The following PDE8B variants were observed in gnomAD, a reference collection of about 807,000 sequenced individuals.
PDE8B encodes phosphodiesterase 8B, also known as high affinity cAMP-specific and IBMX-insensitive 3',5'-cyclic phosphodiesterase 8B.
In PDE8B, 26 loss-of-function variants were observed where a neutral mutation model predicts 101.3. The ratio of observed to expected loss-of-function variants is 0.26; its 90% CI spans 0.19 to 0.36. The LOEUF (loss-of-function observed/expected upper bound fraction) is 0.36. Ranked by LOEUF, PDE8B falls within the 10% of genes least tolerant of loss-of-function variation. PDE8B has a pLI of 1.00. For synonymous variants in PDE8B, 424 were observed against 429.3 expected (o/e 0.99, Z 0.15); for missense variants, 810 against 1,163.1 (o/e 0.70, Z 4.42).
At chr5:77,160,961 T>C in the PDE8B span, among the ~76,000 whole-genome samples, 1 of 152,214 alleles carries the variant, frequency 6.6e-6, no homozygotes, top group Non-Finnish European at 1.5e-5. Context: ...CCTTTTATTC[T>C]TTTTTAAGAG....
chr5:77,380,468 A>G (rs1200010148), intron 10 of PDE8B, among the ~76,000 whole-genome samples: 2 of 152,202 alleles, frequency 1.3e-5, no homozygotes, highest in Non-Finnish European at 2.9e-5. Context: ...ATCTGAGCCC[A>G]TGGATGTATT....
the PDE8B span, chr5:77,087,088 C>G: frequency 6.6e-6 from 1 of 152,448 alleles, no homozygotes; most frequent in East Asian, 1.9e-4. Flanking sequence ...GCCTCGCCAC[C>G]GAGTCTGGAA....
chr5:77,354,107 G>A (rs761480165), intron 10 of PDE8B, among the ~76,000 whole-genome samples: 12 of 152,196 alleles, frequency 7.9e-5, no homozygotes, highest in Non-Finnish European at 1.8e-4. Context: ...AAGAGGGACA[G>A]TATCTCTAAA....
intron 1 of PDE8B, among the ~76,000 whole-genome samples, chr5:77,292,560 G>T (rs1402449724): frequency 6.6e-6 from 1 of 152,054 alleles, no homozygotes; most frequent in Non-Finnish European, 1.5e-5. Context: ...TAAAATCTTT[G>T]GAATTTTGAT....
At chr5:77,262,611 C>T (rs1213426781) in intron 1 of PDE8B, among the ~76,000 whole-genome samples, 1 of 152,150 alleles carries the variant, frequency 6.6e-6, no homozygotes, top group East Asian at 1.9e-4. Flanking sequence ...ACAAAATAAA[C>T]TTCTTTGATT....
chr5:77,311,362 G>C (rs1772572211), intron 1 of PDE8B, among the ~76,000 whole-genome samples: 1 of 152,212 alleles, frequency 6.6e-6, no homozygotes, highest in Non-Finnish European at 1.5e-5. Context: ...TGGAGTTGTG[G>C]GGCAGAGACA....
At position 77,275,305 on chromosome 5, in the gene PDE8B, T is replaced by C. The variant is rs556875557; in HGVS notation, c.340-36689T>C. Among the ~76,000 whole-genome samples, 14 of 152,348 alleles carry C rather than the reference T, an allele frequency of 9.2e-5. No homozygotes were observed. In the East Asian group the frequency reaches 2.7e-3, roughly 29 times the overall value. ...ACTGTTAACAATGTGGAGTTTACCC[T>C]TTCTGAATTTGTTACTCATAGTGAC... On this transcript the variant is annotated intron_variant, in intron 1 of 21. Transcript: ENST00000264917.
the PDE8B span, among the ~76,000 whole-genome samples, chr5:77,143,730 T>G: frequency 5.9e-5 from 9 of 152,056 alleles, no homozygotes; most frequent in Non-Finnish European, 1.0e-4. Flanking sequence ...GAGGGCAATA[T>G]TAGAGGAAAT....
intron 1 of PDE8B, among the ~76,000 whole-genome samples, chr5:77,257,594 G>A (rs1172462244): frequency 1.3e-5 from 2 of 152,126 alleles, no homozygotes; most frequent in African/African-American, 4.8e-5. Flanking sequence ...AGAACTGGAA[G>A]GAGAAATAAA....
intron 1 of PDE8B, among the ~76,000 whole-genome samples, chr5:77,229,014 G>A (rs187241588): frequency 5.3e-5 from 8 of 152,288 alleles, no homozygotes; most frequent in African/African-American, 1.4e-4. Context: ...GAACATTCTT[G>A]TTAGGAAGCA....
chr5:77,211,032 C>G lies in PDE8B; in HGVS notation c.107C>G (p.Pro36Arg), dbSNP rs1748192964. The change falls in exon 1 of 22, where the codon CCG becomes CGG. Residue 36 changes from proline (P) to arginine (R), a missense_variant. Physicochemically the swap from Pro to Arg is moderately radical, Grantham distance 103. Coordinates refer to ENST00000264917, the MANE Select transcript of PDE8B (RefSeq NM_003719.5). This position sits in a 1 kb window ranked among gnomAD's most constrained non-coding sequence, Gnocchi z 4.1. ...PRQTTSVSQG[P>R]AAPLPGLFVQ... ...CAGACCACCAGCGTGTCGCAGGGCC[C>G]GGCGGCACCCCTGCCCGGCCTCTTC... The G allele has an allele frequency of 1.3e-6, 2 of 1,542,214 alleles. No homozygotes were observed. Among genetic ancestry groups the G allele is most frequent in the Non-Finnish European group, 1.7e-6 (2 of 1,154,602 alleles).
intron 10 of PDE8B, among the ~76,000 whole-genome samples, chr5:77,374,420 GTTTTA>G (rs1785670659): frequency 6.6e-6 from 1 of 151,388 alleles, no homozygotes; most frequent in African/African-American, 2.4e-5. Context: ...TGTTTTTTTT[GTTTTA>G]TTTTTATTTT....
the PDE8B span, chr5:77,111,836 A>C: frequency 3.3e-5 from 5 of 152,118 alleles, no homozygotes; most frequent in Non-Finnish European, 7.4e-5. Context: ...GAAGAGAGTC[A>C]TTGGAAGGAA....
intron 10 of PDE8B, among the ~76,000 whole-genome samples, chr5:77,373,413 A>T (rs1413071539): frequency 2.6e-5 from 4 of 152,208 alleles, no homozygotes; most frequent in Admixed American, 2.6e-4. Flanking sequence ...CACACCCATG[A>T]AGCCATCACC....
chr5:77,335,777 T>G (rs1376411221), intron 5 of PDE8B, among the ~76,000 whole-genome samples: 1 of 152,310 alleles, frequency 6.6e-6, no homozygotes, highest in South Asian at 2.1e-4. Context: ...GCCATATGCT[T>G]AGAAAGGTTT....
intron 3 of PDE8B, among the ~76,000 whole-genome samples, chr5:77,327,868 C>T (rs185784054): frequency 1.7e-3 from 261 of 152,304 alleles, no homozygotes; most frequent in African/African-American, 6.0e-3. Context: ...TTCCGGGAGC[C>T]TTCCCCCCAC....
At chr5:77,121,264 A>G in the PDE8B span, among the ~76,000 whole-genome samples, 1 of 152,180 alleles carries the variant, frequency 6.6e-6, no homozygotes, top group Admixed American at 6.5e-5. Flanking sequence ...GTGGTGCATT[A>G]CATGGCCCTT....
At chr5:77,116,400 T>C in the PDE8B span, among the ~76,000 whole-genome samples, 3 of 151,764 alleles carry the variant, frequency 2.0e-5, no homozygotes, top group Non-Finnish European at 4.4e-5. Flanking sequence ...CCCGGCTAAC[T>C]CTTGTATTTT....
At chr5:77,356,040 C>G (rs528875520) in intron 10 of PDE8B, among the ~76,000 whole-genome samples, 1 of 152,364 alleles carries the variant, frequency 6.6e-6, no homozygotes, top group African/African-American at 2.4e-5. Context: ...TATTTACCCT[C>G]TGGTCCTGCA....
Sources: gnomAD v4.1 joint callset for allele counts (sites outside exome capture counted in the v4.1 genomes callset) on GRCh38, gnomAD v4.1.1 for gene constraint, Gnocchi (gnomAD v3.1) non-coding constraint, MANE v1.5 for transcripts, NCBI Gene and HGNC (gene_info 2026-07-23, HGNC 2026-07-21) for gene names.